Variants in COL24A1 observed in about 807,000 individuals in gnomAD.
COL24A1 encodes collagen alpha-1(XXIV) chain.
A neutral mutation model predicts 253.9 loss-of-function variants in COL24A1; 224 were observed. That is an observed-to-expected ratio of 0.88 (90% confidence interval 0.79 to 0.99). COL24A1 has a LOEUF of 0.99. COL24A1 is among the 50% of genes least tolerant of loss of function. The pLI is 0.00. For missense variants in COL24A1, 2,131 were observed against 2,068.5 expected, an observed-to-expected ratio of 1.03 and a Z score of -0.59; for synonymous variants, 685 against 673.7, an observed-to-expected ratio of 1.02 and a Z score of -0.26.
At chr1:85,842,294 A>C in intron 40 of COL24A1, 46 bp downstream of exon 40, 1 of 1,433,964 alleles carries the variant, frequency 7.0e-7, no homozygotes, top group South Asian at 1.2e-5. Context: ...CATCTTTAAT[A>C]AAAATGTTTT....
chr1:85,917,696 T>C (rs1222599756), intron 24 of COL24A1, among the ~76,000 whole-genome samples: 3 of 152,094 alleles, frequency 2.0e-5, no homozygotes, highest in African/African-American at 7.2e-5. Context: ...TTTATTTATT[T>C]ATTTATTTAT....
At chr1:85,993,660 T>C (rs1275098598) in intron 19 of COL24A1, among the ~76,000 whole-genome samples, 2 of 152,042 alleles carry the variant, frequency 1.3e-5, no homozygotes, top group African/African-American at 4.8e-5. Flanking sequence ...TCACAGGTTA[T>C]ACATATGTCA....
chr1:86,124,767 T>A (rs2102261344), intron 3 of COL24A1, 78 bp downstream of exon 3: 2 of 1,131,226 alleles, frequency 1.8e-6, no homozygotes, highest in East Asian at 5.2e-5. Flanking sequence ...TCCAGAGAAC[T>A]CTCTTTAAAA....
chr1:85,823,873 G>A, intron 43 of COL24A1, 135 bp from the exon 44 acceptor site: 1 of 760,912 alleles, frequency 1.3e-6, no homozygotes, highest in Non-Finnish European at 2.1e-6. Flanking sequence ...GATTCTTCTT[G>A]GAAATAGAAA....
intron 20 of COL24A1, among the ~76,000 whole-genome samples, chr1:85,980,412 T>C (rs576713187): frequency 6.6e-6 from 1 of 152,284 alleles, no homozygotes; most frequent in African/African-American, 2.4e-5. Context: ...GATGATATGA[T>C]TGTATACCTA....
intron 1 of COL24A1, among the ~76,000 whole-genome samples, chr1:86,153,329 A>T (rs1233904217): frequency 1.3e-5 from 2 of 150,808 alleles, no homozygotes; most frequent in Non-Finnish European, 2.9e-5. Flanking sequence ...GCAACTGTGG[A>T]TCTGTCATAC....
intron 45 of COL24A1, among the ~76,000 whole-genome samples, chr1:85,822,878 G>A (rs1383144488): frequency 6.6e-6 from 1 of 152,134 alleles, no homozygotes; most frequent in Non-Finnish European, 1.5e-5. Flanking sequence ...CACAGTTGAT[G>A]TCTGGTCACC....
chr1:85,890,758 G>A (rs1051934171), intron 31 of COL24A1, among the ~76,000 whole-genome samples: 1 of 151,936 alleles, frequency 6.6e-6, no homozygotes, highest in African/African-American at 2.4e-5. Context: ...AATAATCCTT[G>A]TGATGTGTTA....
chr1:86,042,097 G>C lies in COL24A1; in HGVS notation c.1950+4728C>G, dbSNP rs532264928. On this transcript the variant is annotated intron_variant, in intron 12 of 59. Coordinates refer to ENST00000370571, the MANE Select transcript of COL24A1 (RefSeq NM_152890.7). Reference sequence around the variant, plus strand: ...CAGAACTACACCTCGCTATCCAAAAGCATGAGTATACACATACATTGACTA... The same window carrying C: ...CAGAACTACACCTCGCTATCCAAAACCATGAGTATACACATACATTGACTA... Among the ~76,000 whole-genome samples the C allele has an allele frequency of 1.2e-3, 181 of 152,206 alleles. 3 individuals carry two copies. The highest frequency in any genetic ancestry group is 6.8e-3 in the Middle Eastern group (2 of 294).
rs1371746605 is a variant in COL24A1, at chr1:85,786,476, T to C, written c.3952-15A>G. 1.9e-6 allele frequency: 3 copies of C among 1,599,788 alleles called. No homozygotes were observed. The East Asian group carries it at 6.7e-5, about 36-fold the overall frequency. ...CCTCTGATGCCCTAAATAACACAGA[T>C]AAGAAATGAAAACTGGGAAAGTTTC... On this transcript the variant is annotated splice_polypyrimidine_tract_variant and intron_variant, in intron 47 of 59. Transcript: ENST00000370571.
intron 19 of COL24A1, among the ~76,000 whole-genome samples, chr1:86,003,136 T>A (rs1695599663): frequency 6.6e-6 from 1 of 152,094 alleles, no homozygotes. Context: ...AATTCTGGAG[T>A]AAGGCCATGT....
At position 86,104,162 on chromosome 1, in the gene COL24A1, T is replaced by C. The variant is rs890524029; in HGVS notation, c.1599+8405A>G. On this transcript the variant is annotated intron_variant, in intron 5 of 59. Coordinates refer to ENST00000370571, the MANE Select transcript of COL24A1 (RefSeq NM_152890.7). ...TCAAGCTCTGAGATCTTTCTTCGGC[T>C]TGGTCTGTTTTAACACATGTGATTG... 2.0e-5 allele frequency among the ~76,000 whole-genome samples: 3 copies of C among 152,204 alleles called. No homozygotes were observed. In the East Asian group the frequency reaches 5.8e-4, roughly 29 times the overall value.
intron 46 of COL24A1, 123 bp downstream of exon 46, chr1:85,817,911 T>TG: frequency 1.2e-6 from 1 of 826,356 alleles, no homozygotes; most frequent in South Asian, 1.6e-5. Flanking sequence ...TGGGTTTAAT[T>TG]TTTTTAAAAG....
At chr1:86,127,043 A>G (rs1410625075) in intron 2 of COL24A1, among the ~76,000 whole-genome samples, 1 of 152,076 alleles carries the variant, frequency 6.6e-6, no homozygotes, top group Non-Finnish European at 1.5e-5. Flanking sequence ...GTTGCATGGA[A>G]GCTTTCCCAA....
At chr1:86,096,463 C>T (rs1408695879) in intron 5 of COL24A1, among the ~76,000 whole-genome samples, 1 of 152,068 alleles carries the variant, frequency 6.6e-6, no homozygotes, top group Non-Finnish European at 1.5e-5. Context: ...TATCTTTAGC[C>T]CACTCTTCAT....
chr1:85,756,033 GA>G (rs1666211115), intron 55 of COL24A1, among the ~76,000 whole-genome samples: 1 of 115,090 alleles, frequency 8.7e-6, no homozygotes, highest in Non-Finnish European at 1.7e-5. Flanking sequence ...AATATTTAAA[GA>G]GCTTCTACAA....
At chr1:86,109,290 A>G (rs1170486415) in intron 5 of COL24A1, among the ~76,000 whole-genome samples, 4 of 147,876 alleles carry the variant, frequency 2.7e-5, no homozygotes, top group African/African-American at 1.0e-4. Context: ...AGGCACTTCC[A>G]TTGAACTCAA....
intron 24 of COL24A1, among the ~76,000 whole-genome samples, chr1:85,956,752 T>G (rs1473908934): frequency 6.6e-6 from 1 of 152,174 alleles, no homozygotes; most frequent in Non-Finnish European, 1.5e-5. Context: ...CCCCACCGAT[T>G]ATTTGCCAAA....
At chr1:86,002,314 C>T (rs144789410) in intron 19 of COL24A1, among the ~76,000 whole-genome samples, 55 of 152,306 alleles carry the variant, frequency 3.6e-4, no homozygotes, top group Middle Eastern at 3.4e-3. Context: ...CTGCGGAGAT[C>T]GCATAGATTC....
Sources: allele counts gnomAD v4.1 joint callset (sites outside exome capture counted in the v4.1 genomes callset), GRCh38; gene constraint gnomAD v4.1.1; transcripts MANE v1.5; gene names NCBI Gene and HGNC (gene_info 2026-07-23, HGNC 2026-07-21).